WHRN: variants seen among roughly 807,000 people sequenced by gnomAD.
WHRN encodes the protein whirlin.
WHRN carries 41 observed loss-of-function variants against 68.3 expected under a neutral mutation model. The observed-to-expected ratio is 0.60, with a 90% CI of 0.47 to 0.78. The LOEUF (loss-of-function observed/expected upper bound fraction) is 0.78, where lower values mean the gene tolerates loss of function less well. Ranked by LOEUF, WHRN falls within the 30% of genes least tolerant of loss-of-function variation. WHRN has a pLI of 0.00. For missense variants in WHRN, 1,243 were observed against 1,244.7 expected (o/e 1.00, Z 0.02); for synonymous variants, 560 against 561.3 (o/e 1.00, Z 0.03).
chr9:114,436,839 A>C (rs1012639246), intron 3 of WHRN, among the ~76,000 whole-genome samples: 1 of 152,108 alleles, frequency 6.6e-6, no homozygotes, highest in Admixed American at 6.5e-5. Flanking sequence ...AAAAAACCAA[A>C]TAAATAAAAT....
chr9:114,492,015 G>A (rs1488270119), intron 1 of WHRN, among the ~76,000 whole-genome samples: 37 of 144,556 alleles, frequency 2.6e-4, no homozygotes, highest in African/African-American at 3.1e-4. Context: ...TTTGTAATTT[G>A]AAAAAAAAAA....
chr9:114,491,094 G>A (rs1263109905), intron 1 of WHRN, among the ~76,000 whole-genome samples: 2 of 151,938 alleles, frequency 1.3e-5, no homozygotes, highest in Admixed American at 6.6e-5. Context: ...ACATTTTGTT[G>A]TCTGGGATCG....
At chr9:114,478,116 A>T (rs896398208) in intron 2 of WHRN, among the ~76,000 whole-genome samples, 1 of 152,048 alleles carries the variant, frequency 6.6e-6, no homozygotes, top group Non-Finnish European at 1.5e-5. Context: ...GAAAAAAAAA[A>T]ACTCTCATTT....
chr9:114,466,275 C>A lies in WHRN; in HGVS notation c.955G>T (p.Gly319Trp), dbSNP rs143165834. 293 of 1,613,918 alleles carry A rather than the reference C, an allele frequency of 1.8e-4. No individual in the cohort carries two copies. Among genetic ancestry groups the A allele is most frequent in the Admixed American group, 5.5e-4 (33 of 60,014 alleles). ...VDPGSEAEGS[G>W]LKVGDQILEV... Reference sequence around the variant, plus strand: ...CTCAGGCCCTCCCTCACCTTGAGCCCGCTGCCTTCTGCTTCAGAGCCTGGG... The same window carrying A: ...CTCAGGCCCTCCCTCACCTTGAGCCAGCTGCCTTCTGCTTCAGAGCCTGGG... The change falls in exon 3 of 12, where the codon GGG becomes TGG. Residue 319 changes from glycine to tryptophan, a missense_variant. Transcript: ENST00000362057.
At chr9:114,442,890 G>A (rs986392548) in intron 3 of WHRN, among the ~76,000 whole-genome samples, 1 of 151,966 alleles carries the variant, frequency 6.6e-6, no homozygotes, top group African/African-American at 2.4e-5. Flanking sequence ...AAATACAAGG[G>A]TATATGGGAG....
At chr9:114,465,593 ATCC>A (rs1434468802) in intron 3 of WHRN, among the ~76,000 whole-genome samples, 3 of 151,854 alleles carry the variant, frequency 2.0e-5, no homozygotes, top group Non-Finnish European at 2.9e-5. Context: ...TGGGTCCAGC[ATCC>A]TCGTGAGCAG....
intron 7 of WHRN, among the ~76,000 whole-genome samples, chr9:114,418,755 C>A (rs1236545814): frequency 1.3e-5 from 2 of 152,256 alleles, no homozygotes; most frequent in Non-Finnish European, 2.9e-5. Flanking sequence ...TCACCACCTG[C>A]AGGTCTTGAC....
chr9:114,425,560 T>C (rs1836750037), intron 4 of WHRN: 1 of 247,978 alleles, frequency 4.0e-6, no homozygotes. Context: ...TTTAATACTA[T>C]GCAGGTGAAA....
chr9:114,435,996 A>G lies in WHRN; in HGVS notation c.964-9583T>C, dbSNP rs1274187487. 2.6e-5 allele frequency among the ~76,000 whole-genome samples: 4 copies of G among 152,368 alleles called. No homozygotes were observed. In the East Asian group the frequency reaches 5.8e-4, roughly 22 times the overall value. On this transcript the variant is annotated intron_variant, in intron 3 of 11. Transcript: ENST00000362057. The stretch of plus-strand genomic sequence containing the variant: ...CGGCTCTCTCTCAGCTCACTTATGT[A>G]TTTAACATTATCCCAACAAAAACAT...
chr9:114,502,085 C>T (rs1843981427), intron 1 of WHRN, among the ~76,000 whole-genome samples: 1 of 152,178 alleles, frequency 6.6e-6, no homozygotes, highest in African/African-American at 2.4e-5. Context: ...TCTTTTCCTC[C>T]TGGGGTTAAT....
chr9:114,419,237 T>C (rs1222962091), intron 7 of WHRN, among the ~76,000 whole-genome samples: 1 of 151,220 alleles, frequency 6.6e-6, no homozygotes, highest in East Asian at 1.9e-4. Context: ...GGTTTTCTTC[T>C]TTGTAAAATG....
At chr9:114,491,414 G>A (rs1842959862) in intron 1 of WHRN, 1 of 152,228 alleles carries the variant, frequency 6.6e-6, no homozygotes, top group African/African-American at 2.4e-5. Flanking sequence ...ATGGGCACAG[G>A]ATATCAGTCA....
intron 9 of WHRN, among the ~76,000 whole-genome samples, chr9:114,405,581 A>C (rs1275353017): frequency 1.3e-5 from 2 of 152,206 alleles, no homozygotes; most frequent in East Asian, 3.9e-4. Context: ...CTCTAGAGAC[A>C]GCAGTGATCC....
At chr9:114,497,433 G>A (rs1248631317) in intron 1 of WHRN, among the ~76,000 whole-genome samples, 2 of 151,876 alleles carry the variant, frequency 1.3e-5, no homozygotes, top group Non-Finnish European at 2.9e-5. Flanking sequence ...CAGCTTTTAA[G>A]CATATGTGTG....
intron 3 of WHRN, among the ~76,000 whole-genome samples, chr9:114,436,765 G>A (rs1272322110): frequency 6.6e-6 from 1 of 152,072 alleles, no homozygotes; most frequent in African/African-American, 2.4e-5. Context: ...GGAGGCAGAG[G>A]CTGTAGTGAG....
chr9:114,426,479 A>G, intron 3 of WHRN, 66 bp from the exon 4 acceptor site: 1 of 1,580,438 alleles, frequency 6.3e-7, no homozygotes, highest in Non-Finnish European at 8.7e-7. Flanking sequence ...GGGACTTCAC[A>G]GCCCAGATCC....
intron 4 of WHRN, chr9:114,425,270 C>T (rs55858605): frequency 3.1e-6 from 2 of 651,744 alleles, no homozygotes; most frequent in Admixed American, 4.5e-5. Flanking sequence ...AGGTGGGCTC[C>T]TGAGTTGTTG....
chr9:114,405,322 C>T (rs868502798), intron 9 of WHRN, among the ~76,000 whole-genome samples: 6 of 152,040 alleles, frequency 3.9e-5, no homozygotes, highest in Admixed American at 6.6e-5. Context: ...ATGACCTGCC[C>T]GTCTCCGCCT....
intron 1 of WHRN, among the ~76,000 whole-genome samples, chr9:114,499,250 C>T (rs771017078): frequency 3.9e-5 from 6 of 152,178 alleles, no homozygotes; most frequent in East Asian, 1.9e-4. Flanking sequence ...GCACCCTTTC[C>T]GCTTGCCAGG....
Sources: gnomAD v4.1 joint callset for allele counts (sites outside exome capture counted in the v4.1 genomes callset) on GRCh38, gnomAD v4.1.1 for gene constraint, MANE v1.5 for transcripts, NCBI Gene and HGNC (gene_info 2026-07-23, HGNC 2026-07-21) for gene names.